The following CCNY variants were observed in gnomAD, a reference collection of about 807,000 sequenced individuals.
CCNY encodes the protein cyclin Y.
In CCNY, 19 loss-of-function variants were observed where a neutral mutation model predicts 42.8. The observed-to-expected ratio is 0.44, with a 90% CI of 0.31 to 0.65. The LOEUF is 0.65. Ranked by LOEUF, CCNY falls within the 30% of genes least tolerant of loss-of-function variation. CCNY has a pLI of 0.07. For synonymous variants in CCNY, 165 were observed against 162.7 expected, an observed-to-expected ratio of 1.01 and a Z score of -0.11; for missense variants, 370 against 437.3, an observed-to-expected ratio of 0.85 and a Z score of 1.37.
rs182910369 is a variant in CCNY, at chr10:35,267,791, T to C, written c.-9+17165T>C. ...CTTGAGTTGTGCAATGTCGGGTAAA[T>C]AGCTGAGCGGTGGAATAAAGTCACT... On this transcript the variant is annotated intron_variant, in intron 3 of 11. Transcript: ENST00000374706. Among the ~76,000 whole-genome samples the C allele has an allele frequency of 1.2e-3, 183 of 152,308 alleles. 2 individuals carry two copies. Among genetic ancestry groups the C allele is most frequent in the Admixed American group, 0.01 (153 of 15,294 alleles).
At position 35,517,300 on chromosome 10, in the gene CCNY, T is replaced by G. The variant is rs969556877; in HGVS notation, c.365+677T>G. Among the ~76,000 whole-genome samples the G allele has an allele frequency of 3.9e-5, 6 of 152,292 alleles. No homozygotes were observed. The South Asian group carries it at 1.2e-3, about 32-fold the overall frequency. On this transcript the variant is annotated intron_variant, in intron 4 of 9. Coordinates refer to ENST00000374704, the MANE Select transcript of CCNY (RefSeq NM_145012.6). ...GAGGGAGGGAACACTGGTTTTTCCT[T>G]TATTGTACCACTAGCATTATGGTAA...
intron 1 of CCNY, among the ~76,000 whole-genome samples, chr10:35,474,316 GCCTCTGTAGGCTCCA>G (rs1342641571): frequency 1.3e-5 from 2 of 152,234 alleles, no homozygotes; most frequent in African/African-American, 4.8e-5. Context: ...AGGCCTGCGT[GCCTCTGTAGGCTCCA>G]CCTCTGGGGG....
intron 2 of CCNY, among the ~76,000 whole-genome samples, chr10:35,484,727 A>G (rs1285224713): frequency 2.0e-5 from 3 of 152,230 alleles, no homozygotes; most frequent in Non-Finnish European, 4.4e-5. Flanking sequence ...CACTGATAGT[A>G]CTATAAAAAC....
chr10:35,452,590 C>CT (rs2135315595), intron 1 of CCNY, among the ~76,000 whole-genome samples: 1 of 152,194 alleles, frequency 6.6e-6, no homozygotes, highest in African/African-American at 2.4e-5. Flanking sequence ...TCCTTTCCCT[C>CT]TAAGTGACTG....
chr10:35,434,425 C>T (rs1257598350), intron 1 of CCNY, among the ~76,000 whole-genome samples: 1 of 152,192 alleles, frequency 6.6e-6, no homozygotes, highest in Non-Finnish European at 1.5e-5. Flanking sequence ...TGGCTATGGA[C>T]AGGAGAGTTT....
At chr10:35,335,018 GT>G (rs201264212), upstream of CCNY, among the ~76,000 whole-genome samples, 2 of 150,812 alleles carry the variant, frequency 1.3e-5, no homozygotes, top group Non-Finnish European at 3.0e-5. Flanking sequence ...TATTGTACTA[GT>G]TTTTTTTTCA....
chr10:35,255,008 G>A (rs1251550119), intron 3 of CCNY, among the ~76,000 whole-genome samples: 1 of 152,132 alleles, frequency 6.6e-6, no homozygotes, highest in African/African-American at 2.4e-5. Flanking sequence ...GCCTAACAAA[G>A]GGTCTACCCT....
At chr10:35,540,289 A>G (rs986189260) in intron 7 of CCNY, among the ~76,000 whole-genome samples, 3 of 152,208 alleles carry the variant, frequency 2.0e-5, no homozygotes, top group African/African-American at 7.2e-5. Flanking sequence ...TTGAAAGGGT[A>G]TTAGATTCTG....
At chr10:35,271,970 G>A (rs1314807662) in intron 3 of CCNY, among the ~76,000 whole-genome samples, 1 of 152,144 alleles carries the variant, frequency 6.6e-6, no homozygotes, top group Non-Finnish European at 1.5e-5. Context: ...GACCTAAAAT[G>A]TATGACACTG....
chr10:35,315,107 C>T (rs1316891153), intron 3 of CCNY: 1 of 152,028 alleles, frequency 6.6e-6, no homozygotes, highest in Non-Finnish European at 1.5e-5. Flanking sequence ...TATTAAATAA[C>T]TTTTTAAAAA....
chr10:35,449,249 T>C (rs1434652805), intron 1 of CCNY, among the ~76,000 whole-genome samples: 3 of 100,994 alleles, frequency 3.0e-5, no homozygotes, highest in South Asian at 3.4e-4. Flanking sequence ...CAGAGGTGTG[T>C]GTGAGAAGGA....
rs183968317 is a variant in CCNY at position 35,401,111 on chromosome 10, G to C, written c.154+63904G>C. Among the ~76,000 whole-genome samples, 54 of 152,336 alleles carry C rather than the reference G, an allele frequency of 3.5e-4. No homozygotes were observed. In the East Asian group the frequency reaches 0.01, roughly 28 times the overall value. ...GTGGCAGCTGAGTTTCAGCTCTGTCGAGCATCAGCAGTTCCTATTTTTTGT... is the reference window on the plus strand; with the variant it reads ...GTGGCAGCTGAGTTTCAGCTCTGTCCAGCATCAGCAGTTCCTATTTTTTGT... On this transcript the variant is annotated intron_variant, in intron 1 of 9. Transcript: ENST00000374704.
rs151257274 is a variant in CCNY at position 35,535,277 on chromosome 10, C to A, written c.579+5034C>A. ...CTTGACTTAGAGCAGGCCTGCACAG[C>A]TGCATTCTCTGAACAGTAGTCTCTA... On this transcript the variant is annotated intron_variant, in intron 7 of 9. Coordinates refer to ENST00000374704, the MANE Select transcript of CCNY (RefSeq NM_145012.6). Among the ~76,000 whole-genome samples, 981 of 152,050 alleles carry A rather than the reference C, an allele frequency of 6.5e-3. 13 individuals carry two copies. The highest frequency in any genetic ancestry group is 0.022 in the African/African-American group (925 of 41,448).
intron 1 of CCNY, among the ~76,000 whole-genome samples, chr10:35,472,799 G>A (rs751950630): frequency 4.6e-5 from 7 of 152,170 alleles, no homozygotes; most frequent in Non-Finnish European, 1.0e-4. Flanking sequence ...TTAATCGACT[G>A]TAGCCCTTTG....
chr10:35,539,983 T>C (rs1387532600), intron 7 of CCNY, among the ~76,000 whole-genome samples: 1 of 152,236 alleles, frequency 6.6e-6, no homozygotes, highest in Non-Finnish European at 1.5e-5. Flanking sequence ...GTAGATTCTT[T>C]AGAATGTTAC....
chr10:35,355,507 A>G (rs376615760), intron 1 of CCNY, among the ~76,000 whole-genome samples: 13 of 151,858 alleles, frequency 8.6e-5, no homozygotes, highest in Middle Eastern at 3.4e-3. Flanking sequence ...GTGAAACCCC[A>G]TCTCTACCAA....
At chr10:35,431,145 A>G (rs1053569323) in intron 1 of CCNY, among the ~76,000 whole-genome samples, 3 of 152,042 alleles carry the variant, frequency 2.0e-5, no homozygotes, top group African/African-American at 7.2e-5. Context: ...TACTTACATT[A>G]ATCTTTGGTC....
chr10:35,433,528 T>A (rs1273274875), intron 1 of CCNY, among the ~76,000 whole-genome samples: 3 of 152,250 alleles, frequency 2.0e-5, no homozygotes, highest in Non-Finnish European at 4.4e-5. Context: ...AAAAATTAGA[T>A]ATGTTAGTTA....
intron 1 of CCNY, among the ~76,000 whole-genome samples, chr10:35,411,807 C>T (rs1471597777): frequency 4.6e-5 from 7 of 152,208 alleles, no homozygotes; most frequent in Admixed American, 4.6e-4. Flanking sequence ...TCTAGCACCA[C>T]ATTTGAAGAT....
Sources: gnomAD v4.1 joint callset for allele counts (sites outside exome capture counted in the v4.1 genomes callset) on GRCh38, gnomAD v4.1.1 for gene constraint, MANE v1.5 for transcripts, NCBI Gene and HGNC (gene_info 2026-07-23, HGNC 2026-07-21) for gene names.